Variants in CBLB observed in about 807,000 individuals in gnomAD.
CBLB encodes E3 ubiquitin-protein ligase CBL-B.
In CBLB, 31 loss-of-function variants were observed where a neutral mutation model predicts 104.9. The ratio of observed to expected loss-of-function variants is 0.30; its 90% CI spans 0.22 to 0.40. The LOEUF (loss-of-function observed/expected upper bound fraction) is 0.40. Ranked by LOEUF, CBLB falls within the 10% of genes least tolerant of loss-of-function variation. CBLB has a pLI of 1.00. For missense variants in CBLB, 1,062 were observed against 1,214.6 expected (o/e 0.87, Z 1.87); for synonymous variants, 440 against 422.6 (o/e 1.04, Z -0.51).
chr3:105,815,073 C>T (rs1487738074), intron 3 of CBLB, among the ~76,000 whole-genome samples: 2 of 152,124 alleles, frequency 1.3e-5, no homozygotes, highest in African/African-American at 4.8e-5. Flanking sequence ...CCCTGTCAGG[C>T]ATAAGAAATT....
chr3:105,728,591 A>C (rs1011657517), intron 9 of CBLB, among the ~76,000 whole-genome samples: 1 of 152,162 alleles, frequency 6.6e-6, no homozygotes, highest in Non-Finnish European at 1.5e-5. Flanking sequence ...TGAGAAGATA[A>C]ACGTTTTGTT....
intron 9 of CBLB, among the ~76,000 whole-genome samples, chr3:105,722,036 T>A (rs1309563685): frequency 1.3e-5 from 2 of 151,510 alleles, no homozygotes; most frequent in Non-Finnish European, 2.9e-5. Context: ...CTATAAAAAA[T>A]AAATGTTTAA....
At chr3:105,722,329 T>TA (rs1446110587) in intron 9 of CBLB, among the ~76,000 whole-genome samples, 2 of 152,032 alleles carry the variant, frequency 1.3e-5, no homozygotes, top group Admixed American at 6.5e-5. Flanking sequence ...CTCATACATT[T>TA]AAAAAAATTA....
Position 105,800,732 on chromosome 3 carries a change from T to A in CBLB, c.420-24190A>T, listed in dbSNP as rs145738342. Among the ~76,000 whole-genome samples, 1,153 of 152,236 alleles carry A rather than the reference T, an allele frequency of 7.6e-3. 9 individuals carry two copies. The highest frequency in any genetic ancestry group is 0.012 in the Non-Finnish European group (814 of 68,008). On this transcript the variant is annotated intron_variant, in intron 3 of 18. Transcript: ENST00000394030. ...GCAATATTCCAAGGACACCTACTGATAATTAAGGAATAATGTCTCTAATAT... is the reference window on the plus strand; with the variant it reads ...GCAATATTCCAAGGACACCTACTGAAAATTAAGGAATAATGTCTCTAATAT...
intron 4 of CBLB, among the ~76,000 whole-genome samples, chr3:105,764,932 C>T (rs374019984): frequency 2.6e-5 from 4 of 152,182 alleles, no homozygotes; most frequent in East Asian, 1.9e-4. Flanking sequence ...CAAAACAAGG[C>T]CCCAACTCGC....
At chr3:105,817,324 C>G (rs1053428313) in intron 3 of CBLB, among the ~76,000 whole-genome samples, 1 of 151,916 alleles carries the variant, frequency 6.6e-6, no homozygotes, top group Non-Finnish European at 1.5e-5. Flanking sequence ...GAACAGGGGA[C>G]AAGGAGGAGC....
At chr3:105,794,422 A>G (rs1185287233) in intron 3 of CBLB, among the ~76,000 whole-genome samples, 1 of 152,218 alleles carries the variant, frequency 6.6e-6, no homozygotes, top group Non-Finnish European at 1.5e-5. Flanking sequence ...CAGAGTCAGC[A>G]GCATATTTTT....
intron 3 of CBLB, among the ~76,000 whole-genome samples, chr3:105,845,824 T>G (rs1047627773): frequency 2.0e-5 from 3 of 152,130 alleles, no homozygotes; most frequent in African/African-American, 7.2e-5. Flanking sequence ...TAGAAAAGTC[T>G]ATTCACACCA....
chr3:105,751,451 T>A lies in CBLB; in HGVS notation c.723+11A>T. On this transcript the variant is annotated intron_variant, in intron 5 of 18. Transcript: ENST00000394030. ...GAAGGGAATGGATAGACTAAGCAAG[T>A]ATAAACTTACCTGAAACAGCCTGGT... The A allele has an allele frequency of 1.3e-6, 2 of 1,593,192 alleles. No homozygotes were observed.
At chr3:105,810,386 T>G (rs2084114031) in intron 3 of CBLB, among the ~76,000 whole-genome samples, 1 of 152,170 alleles carries the variant, frequency 6.6e-6, no homozygotes, top group Non-Finnish European at 1.5e-5. Context: ...TGAACCAGAT[T>G]CACTTAAGCA....
rs181112105 is a variant in CBLB at position 105,824,157 on chromosome 3, A to C, written c.419+29257T>G. On this transcript the variant is annotated intron_variant, in intron 3 of 18. Coordinates refer to ENST00000394030, the MANE Select transcript of CBLB (RefSeq NM_170662.5). ...CTTCCTGAAGCCTCAGCATTCCCCA[A>C]ACTCCAGGTTTATAAGCTGTCAAAT... The C allele has an allele frequency of 2.0e-3, 303 of 152,190 alleles. 2 individuals are homozygous for C. Among genetic ancestry groups the C allele is most frequent in the African/African-American group, 7.1e-3 (294 of 41,510 alleles). The allele number at this position is 152,190 out of a possible 1,614,324, so 9.4% of individuals were successfully genotyped here. A position where few individuals can be genotyped will look rare whatever the true frequency, so the allele number is the denominator to read the frequency against.
intron 3 of CBLB, among the ~76,000 whole-genome samples, chr3:105,785,128 T>G (rs2080821871): frequency 6.6e-6 from 1 of 152,210 alleles, no homozygotes. Flanking sequence ...AGCGCACATC[T>G]TTGTTAGAGA....
In CBLB at chr3:105,685,350, G is replaced by C. The variant is rs550174450; in HGVS notation, c.2171C>G (p.Ser724Cys). 1 of 1,613,882 alleles carries C rather than the reference G, an allele frequency of 6.2e-7. No homozygotes were observed. Among genetic ancestry groups the C allele is most frequent in the South Asian group, 1.1e-5 (1 of 91,076 alleles). The change falls in exon 14 of 19, where the codon TCT (serine) becomes TGT (cysteine). Residue 724 changes from serine (S) to cysteine (C), a missense_variant. By Grantham distance (112) the Ser-to-Cys change is moderately radical. This residue lies in a region of CBLB where 605 missense variants were observed against 582.6 expected (regional missense o/e 1.04). Coordinates refer to ENST00000394030, the MANE Select transcript of CBLB (RefSeq NM_170662.5). The stretch of plus-strand genomic sequence containing the variant: ...AGGAGGTTTTACATTATGACAATGA[G>C]ATGGTTGTGAATTCAGGGAAACAGG... Reference protein sequence around the residue: ...SHPVSLNSQPSHCHNVKPPVR... With the variant: ...SHPVSLNSQPCHCHNVKPPVR...
At chr3:105,675,100 T>C (rs2065453525) in intron 17 of CBLB, among the ~76,000 whole-genome samples, 1 of 151,836 alleles carries the variant, frequency 6.6e-6, no homozygotes, top group Admixed American at 6.6e-5. Flanking sequence ...TAGTATAATA[T>C]CATGAGAAAA....
chr3:105,846,079 G>GA (rs981384902), intron 3 of CBLB, among the ~76,000 whole-genome samples: 3 of 151,662 alleles, frequency 2.0e-5, no homozygotes, highest in African/African-American at 7.3e-5. Context: ...CATTTAAAAG[G>GA]AAAAAATGCC....
At chr3:105,807,569 A>G (rs375301231) in intron 3 of CBLB, among the ~76,000 whole-genome samples, 1 of 152,154 alleles carries the variant, frequency 6.6e-6, no homozygotes, top group African/African-American at 2.4e-5. Context: ...GAAAAACATA[A>G]TTTCATCATA....
intron 9 of CBLB, 135 bp from the exon 10 acceptor site, chr3:105,720,385 CTTG>C (rs2072624592): frequency 2.5e-5 from 19 of 746,050 alleles, no homozygotes; most frequent in South Asian, 9.4e-5. Flanking sequence ...GAAGATTTCT[CTTG>C]AAGTGGTAGT....
At chr3:105,852,642 C>T (rs1486175004) in intron 3 of CBLB, among the ~76,000 whole-genome samples, 1 of 152,062 alleles carries the variant, frequency 6.6e-6, no homozygotes, top group Admixed American at 6.6e-5. Flanking sequence ...CAGTCCTAGG[C>T]CTTCACATTC....
In CBLB at chr3:105,745,903, C is replaced by T. The variant is rs2076057967; in HGVS notation, c.845+14G>A. The T allele has an allele frequency of 1.2e-6, 2 of 1,609,278 alleles. No individual in the cohort carries two copies. Among genetic ancestry groups the T allele is most frequent in the African/African-American group, 1.3e-5 (1 of 74,788 alleles). On this transcript the variant is annotated intron_variant, in intron 6 of 18. Coordinates refer to ENST00000394030, the MANE Select transcript of CBLB (RefSeq NM_170662.5). Reference sequence around the variant, plus strand: ...TTGGATATATCACATAATATTACTGCTAAAAAGTCTTACCTTCCGGGTTTG... The same window carrying T: ...TTGGATATATCACATAATATTACTGTTAAAAAGTCTTACCTTCCGGGTTTG...
Sources: gnomAD v4.1 joint callset for allele counts (sites outside exome capture counted in the v4.1 genomes callset) on GRCh38, gnomAD v4.1.1 for gene constraint, gnomAD v4.1.1 regional missense constraint, MANE v1.5 for transcripts, NCBI Gene and HGNC (gene_info 2026-07-23, HGNC 2026-07-21) for gene names.